MCTP2: variants seen among roughly 807,000 people sequenced by gnomAD.
MCTP2 encodes multiple C2 and transmembrane domain-containing protein 2.
In MCTP2, 132 loss-of-function variants were observed where a neutral mutation model predicts 111.6. The observed-to-expected ratio is 1.18, with a 90% CI of 1.03 to 1.37. The LOEUF is 1.37. Ranked by LOEUF, MCTP2 falls within the 40% of genes most tolerant of loss-of-function variation. MCTP2 has a pLI of 0.00. For synonymous variants in MCTP2, 395 were observed against 387.7 expected (o/e 1.02, Z -0.22); for missense variants, 1,183 against 1,067.9 (o/e 1.11, Z -1.50).
At chr15:94,333,232 C>T (rs1000961197) in intron 4 of MCTP2, among the ~76,000 whole-genome samples, 3 of 151,978 alleles carry the variant, frequency 2.0e-5, no homozygotes, top group Non-Finnish European at 2.9e-5. Flanking sequence ...AGCAAGTCTC[C>T]GTCTTGGAGC....
At chr15:94,440,400 G>A (rs12437444) in intron 18 of MCTP2, 102 bp downstream of exon 18, 6 of 1,479,534 alleles carry the variant, frequency 4.1e-6, no homozygotes, top group Non-Finnish European at 5.5e-6. Context: ...TTCGTTTGAG[G>A]TGTAAGGAGC....
At chr15:94,384,867 G>T (rs986814593) in intron 13 of MCTP2, among the ~76,000 whole-genome samples, 1 of 152,112 alleles carries the variant, frequency 6.6e-6, no homozygotes, top group Non-Finnish European at 1.5e-5. Flanking sequence ...AGAGTCTCTT[G>T]TTTCCCTAAC....
At chr15:94,327,081 G>T (rs8037247) in intron 4 of MCTP2, among the ~76,000 whole-genome samples, 136,597 of 152,122 alleles carry the variant, frequency 0.9, 61,366 homozygotes, top group East Asian at 0.99. Flanking sequence ...CCTTTAGATT[G>T]TGTTTATAAA....
At chr15:94,473,115 ATCC>A (rs1013664914) in intron 21 of MCTP2, among the ~76,000 whole-genome samples, 41 of 151,964 alleles carry the variant, frequency 2.7e-4, no homozygotes, top group Admixed American at 1.6e-3. Context: ...CATATTTTAT[ATCC>A]TCAAGTCATA....
rs180902825 is a variant in MCTP2 at position 94,406,887 on chromosome 15, A to G, written c.2085+4868A>G. Among the ~76,000 whole-genome samples, 139 of 149,620 alleles carry G rather than the reference A, an allele frequency of 9.3e-4. 1 individual carries two copies. Among genetic ancestry groups the G allele is most frequent in the Middle Eastern group, 6.8e-3 (2 of 292 alleles). On this transcript the variant is annotated intron_variant, in intron 17 of 22. Transcript: ENST00000357742. The stretch of plus-strand genomic sequence containing the variant: ...TTTTTTTTTTTTTTTAAGTATTCCA[A>G]GTTGTTCAGAAAAGGGATGGGGTAG...
intron 19 of MCTP2, among the ~76,000 whole-genome samples, chr15:94,456,204 A>G (rs906848277): frequency 3.3e-5 from 5 of 152,200 alleles, no homozygotes; most frequent in Non-Finnish European, 7.3e-5. Flanking sequence ...GTCTTTGGAT[A>G]TTTAATACTC....
In MCTP2 at chr15:94,361,084, G is replaced by GTTTTT. The variant is rs67774490; in HGVS notation, c.1301+2501_1301+2505dup. On this transcript the variant is annotated intron_variant, in intron 10 of 22. Transcript: ENST00000357742. ...CCTGGCTATTGTTTAAATATTTCAA[G>GTTTTT]TTTTTTTTTTTTTTTTTTTTTTTTT... Among the ~76,000 whole-genome samples, 31 of 8,408 alleles carry GTTTTT rather than the reference G, an allele frequency of 3.7e-3. 1 individual carries two copies. Among genetic ancestry groups the GTTTTT allele is most frequent in the South Asian group, 0.016 (2 of 126 alleles). The allele number at this position is 8,408 out of a possible 152,430, so 5.5% of individuals were successfully genotyped here.
intron 4 of MCTP2, among the ~76,000 whole-genome samples, chr15:94,333,064 G>A (rs868349819): frequency 1.3e-5 from 2 of 152,108 alleles, no homozygotes; most frequent in Admixed American, 6.5e-5. Context: ...GTGAAACCTC[G>A]GCTCTACTAA....
intron 21 of MCTP2, among the ~76,000 whole-genome samples, chr15:94,470,849 G>A (rs186838632): frequency 6.6e-6 from 1 of 152,220 alleles, no homozygotes; most frequent in African/African-American, 2.4e-5. Context: ...GGTTGCTTCT[G>A]ACACTTCATC....
intron 10 of MCTP2, among the ~76,000 whole-genome samples, chr15:94,361,389 G>C (rs374247249): frequency 1.6e-4 from 25 of 152,172 alleles, no homozygotes; most frequent in African/African-American, 5.1e-4. Context: ...TCAGCTCTGG[G>C]GTCACACATC....
intron 10 of MCTP2, among the ~76,000 whole-genome samples, chr15:94,363,110 A>G (rs989038820): frequency 1.3e-5 from 2 of 152,210 alleles, no homozygotes; most frequent in African/African-American, 2.4e-5. Context: ...AAGAAAAAAC[A>G]GTATAATTTG....
chr15:94,307,489 G>T (rs1246309282), intron 2 of MCTP2, among the ~76,000 whole-genome samples: 1 of 152,224 alleles, frequency 6.6e-6, no homozygotes, highest in African/African-American at 2.4e-5. Flanking sequence ...AGGCTGGAGA[G>T]GAGGCAGTGA....
chr15:94,265,749 G>A (rs1459950114), intron 1 of MCTP2, among the ~76,000 whole-genome samples: 1 of 152,064 alleles, frequency 6.6e-6, no homozygotes, highest in Non-Finnish European at 1.5e-5. Context: ...TAAAAAGGAA[G>A]ATAAAATGAA....
intron 10 of MCTP2, among the ~76,000 whole-genome samples, chr15:94,359,185 T>C (rs1361354520): frequency 6.6e-6 from 1 of 152,214 alleles, no homozygotes; most frequent in Non-Finnish European, 1.5e-5. Context: ...GCATAGGTGC[T>C]GTAACCCGCG....
chr15:94,377,515 G>A (rs1054535448), intron 12 of MCTP2, among the ~76,000 whole-genome samples: 16 of 152,188 alleles, frequency 1.1e-4, no homozygotes, highest in African/African-American at 3.9e-4. Context: ...CCGTGAGGGT[G>A]AATGAATTCA....
At position 94,479,060 on chromosome 15, in the gene MCTP2, C is replaced by T; in HGVS notation, c.*26C>T. ...GGCACACACCGACTTTGGACAGCAG[C>T]ACCCAATATTGTGTTTGGTTGAGTA... On this transcript the variant is annotated 3_prime_UTR_variant, in exon 23 of 23. Transcript: ENST00000357742. 1.2e-6 allele frequency: 2 copies of T among 1,610,398 alleles called. No homozygotes were observed. The highest frequency in any genetic ancestry group is 8.5e-7 in the Non-Finnish European group (1 of 1,176,740).
chr15:94,267,815 G>A lies in MCTP2; in HGVS notation c.-65-30386G>A, dbSNP rs186375987. On this transcript the variant is annotated intron_variant, in intron 1 of 22. Coordinates refer to ENST00000357742, the MANE Select transcript of MCTP2 (RefSeq NM_001385001.1). ...TTACTTTTAGCCATTCTAGGAGGCA[G>A]TTGGTTTAGTTTCAAATGTAATGGC... Among the ~76,000 whole-genome samples the A allele has an allele frequency of 2.0e-5, 3 of 148,156 alleles. No homozygotes were observed. The East Asian group carries it at 6.1e-4, about 30-fold the overall frequency.
At chr15:94,344,977 CA>C (rs2077888533) in intron 7 of MCTP2, 151 bp from the exon 8 acceptor site, 1 of 833,522 alleles carries the variant, frequency 1.2e-6, no homozygotes, top group Non-Finnish European at 1.8e-6. Flanking sequence ...TTTTCTTGCT[CA>C]AATATGCTTT....
chr15:94,303,068 A>ATATATAGTTTATATATATATAGTT (rs2075704915), intron 2 of MCTP2, among the ~76,000 whole-genome samples: 2 of 145,644 alleles, frequency 1.4e-5, no homozygotes, highest in African/African-American at 2.6e-5. Context: ...TGGAATATAT[A>ATATATAGTTTATATATATATAGTT]TATATAGTTT....
Sources: allele counts gnomAD v4.1 joint callset (sites outside exome capture counted in the v4.1 genomes callset), GRCh38; gene constraint gnomAD v4.1.1; transcripts MANE v1.5; gene names NCBI Gene and HGNC (gene_info 2026-07-23, HGNC 2026-07-21).